Variants in CNOT7 observed in about 807,000 individuals in gnomAD.
The protein encoded by CNOT7 is CCR4-NOT transcription complex subunit 7, also known as BTG1-binding factor 1.
A neutral mutation model predicts 37.1 loss-of-function variants in CNOT7; 4 were observed. The ratio of observed to expected loss-of-function variants is 0.11; its 90% confidence interval spans 0.05 to 0.25. CNOT7 has a LOEUF of 0.25. Among genes scored for constraint, CNOT7 ranks in the 10% least tolerant of loss-of-function variants. The probability of loss-of-function intolerance (pLI) is 1.00; values close to 1 mark genes in which losing one functional copy is unlikely to be tolerated. For missense variants in CNOT7, 170 were observed against 336.2 expected (o/e 0.51, Z 3.87); for synonymous variants, 128 against 115.6 (o/e 1.11, Z -0.69).
rs553343658 is a variant in CNOT7 at position 17,225,038 on chromosome 8, T to G, written c.*5682A>C. 6.6e-6 allele frequency: 1 copy of G among 151,716 alleles called. No homozygotes were observed. Among genetic ancestry groups the G allele is most frequent in the African/African-American group, 2.4e-5 (1 of 41,406 alleles). 9.4% of individuals were successfully genotyped at this position (151,716 alleles called of 1,614,324 possible). On this transcript the variant is annotated 3_prime_UTR_variant, in exon 7 of 7. Transcript: ENST00000361272. Reference sequence around the variant, plus strand: ...AGACACCTGCTCACAACTTACAGTATTAATTTTTTAGAAAAACAAAACAGG... The same window carrying G: ...AGACACCTGCTCACAACTTACAGTAGTAATTTTTTAGAAAAACAAAACAGG...
At chr8:17,232,799 A>G (rs1222381728) in intron 5 of CNOT7, among the ~76,000 whole-genome samples, 1 of 152,094 alleles carries the variant, frequency 6.6e-6, no homozygotes, top group African/African-American at 2.4e-5. Context: ...ACAGGTAAAT[A>G]CTCTCCTAGA....
intron 4 of CNOT7, among the ~76,000 whole-genome samples, chr8:17,236,954 A>T (rs1809448611): frequency 6.6e-6 from 1 of 152,208 alleles, no homozygotes; most frequent in African/African-American, 2.4e-5. Flanking sequence ...CTGGATTTAA[A>T]CCAGGGTCTT....
In CNOT7 at chr8:17,227,662, CTG is replaced by C. The variant is rs1808250371; in HGVS notation, c.*3056_*3057del. ...CATTTAAATTTTCTAATTCTTCTGA[CTG>C]TTGCTTTCCCACCAGTTGGGAATAT... On this transcript the variant is annotated 3_prime_UTR_variant, in exon 7 of 7. Coordinates refer to ENST00000361272, the MANE Select transcript of CNOT7 (RefSeq NM_013354.7). 1 of 151,848 alleles carries C rather than the reference CTG, an allele frequency of 6.6e-6. No individual in the cohort carries two copies. The highest frequency in any genetic ancestry group is 6.6e-5 in the Admixed American group (1 of 15,230). 9.4% of individuals were successfully genotyped at this position (151,848 alleles called of 1,614,324 possible). A position where few individuals can be genotyped will look rare whatever the true frequency, so the allele number is the denominator to read the frequency against.
At position 17,237,206 on chromosome 8, in the gene CNOT7, T is replaced by A; in HGVS notation, c.473+6A>T. The A allele has an allele frequency of 6.2e-7, 1 of 1,613,128 alleles. No individual in the cohort carries two copies. Among genetic ancestry groups the A allele is most frequent in the Non-Finnish European group, 8.5e-7 (1 of 1,179,546 alleles). On this transcript the variant is annotated splice_donor_region_variant and intron_variant, in intron 4 of 6. Coordinates refer to ENST00000361272, the MANE Select transcript of CNOT7 (RefSeq NM_013354.7). ...ACAAATGCCATTTTCAATGTAGTCG[T>A]TTTACCTATGAAATGACAACCATTT...
At chr8:17,238,005 C>A (rs1384054987) in intron 3 of CNOT7, among the ~76,000 whole-genome samples, 2 of 152,162 alleles carry the variant, frequency 1.3e-5, no homozygotes, top group Admixed American at 1.3e-4. Flanking sequence ...TAAAAGACTG[C>A]CTTATAAAAT....
chr8:17,235,638 G>C (rs541399907), intron 4 of CNOT7, among the ~76,000 whole-genome samples: 29 of 152,250 alleles, frequency 1.9e-4, no homozygotes, highest in African/African-American at 7.0e-4. Flanking sequence ...AGACACGTCC[G>C]TCCCTTGTCT....
At position 17,232,541 on chromosome 8, in the gene CNOT7, G is replaced by C. The variant is rs1162555689; in HGVS notation, c.619-4C>G. On this transcript the variant is annotated splice_polypyrimidine_tract_variant and splice_region_variant and intron_variant, in intron 5 of 6. Transcript: ENST00000361272. ...CTGCCACCTCCTGTAATCCACCCTA[G>C]AAAAAATAAAAAATTGCTTGTCAAG... 1.9e-6 allele frequency: 3 copies of C among 1,603,068 alleles called. No individual in the cohort carries two copies. The highest frequency in any genetic ancestry group is 2.5e-6 in the Non-Finnish European group (3 of 1,177,148).
chr8:17,241,701 T>A (rs1449361526), intron 3 of CNOT7: 1 of 152,162 alleles, frequency 6.6e-6, no homozygotes, highest in Non-Finnish European at 1.5e-5. Flanking sequence ...ACGTTATCAA[T>A]AAGTTCTTGG....
chr8:17,239,731 G>T (rs1310499792), intron 3 of CNOT7, among the ~76,000 whole-genome samples: 1 of 151,878 alleles, frequency 6.6e-6, no homozygotes, highest in Non-Finnish European at 1.5e-5. Flanking sequence ...CTGACCTTGT[G>T]ATCCGCCCGC....
At chr8:17,237,592 C>T in intron 3 of CNOT7, 1 of 484,174 alleles carries the variant, frequency 2.1e-6, no homozygotes, top group Non-Finnish European at 3.7e-6. Context: ...TCAGAGAGTC[C>T]AAAGGTGCAA....
At chr8:17,236,396 C>T (rs774289173) in intron 4 of CNOT7, among the ~76,000 whole-genome samples, 8 of 152,176 alleles carry the variant, frequency 5.3e-5, no homozygotes, top group Non-Finnish European at 1.2e-4. Flanking sequence ...GTTTAGTTTA[C>T]TTAGATGGGA....
At chr8:17,234,968 C>G in intron 4 of CNOT7, 108 bp from the exon 5 acceptor site, 1 of 873,552 alleles carries the variant, frequency 1.1e-6, no homozygotes, top group South Asian at 1.8e-5. Context: ...AGAGCCCTCC[C>G]AAAAACATTA....
intron 4 of CNOT7, among the ~76,000 whole-genome samples, chr8:17,235,395 T>C (rs1809213170): frequency 6.6e-6 from 1 of 152,206 alleles, no homozygotes; most frequent in Non-Finnish European, 1.5e-5. Flanking sequence ...CTTAAATGAC[T>C]GTGTTAAGTA....
In CNOT7 at chr8:17,243,090, C is replaced by T; in HGVS notation, c.213G>A (p.Leu71=). 1 of 1,612,558 alleles carries T rather than the reference C, an allele frequency of 6.2e-7. No individual in the cohort carries two copies. Among genetic ancestry groups the T allele is most frequent in the Non-Finnish European group, 8.5e-7 (1 of 1,179,518 alleles). Residue 71 remains leucine, a synonymous_variant, in exon 3 of 7, where the codon TTG becomes TTA. Transcript: ENST00000361272. ...QYQLLRCNVD[L]LKIIQLGLTF... Reference sequence around the variant, plus strand: ...TCAGTCCTAGCTGAATTATCTTTAACAAGTCTACATTACACCGCAATAGTT... The same window carrying T: ...TCAGTCCTAGCTGAATTATCTTTAATAAGTCTACATTACACCGCAATAGTT...
At chr8:17,241,813 C>T (rs898128931) in intron 3 of CNOT7, 1 of 152,038 alleles carries the variant, frequency 6.6e-6, no homozygotes, top group Non-Finnish European at 1.5e-5. Context: ...TTTCTGGTCA[C>T]AAAAAAATCA....
chr8:17,243,749 C>G (rs2151007426), intron 2 of CNOT7: 2 of 418,492 alleles, frequency 4.8e-6, no homozygotes, highest in South Asian at 1.7e-5. Flanking sequence ...TATCACTTCT[C>G]TATGTTGCCA....
intron 3 of CNOT7, among the ~76,000 whole-genome samples, chr8:17,241,112 G>C (rs1810104633): frequency 1.3e-5 from 2 of 152,078 alleles, no homozygotes; most frequent in Admixed American, 6.5e-5. Flanking sequence ...CTGTTGCCCA[G>C]GCTGGAGTGC....
At position 17,239,859 on chromosome 8, in the gene CNOT7, G is replaced by A. The variant is rs1809912034; in HGVS notation, c.312-2486C>T. On this transcript the variant is annotated intron_variant, in intron 3 of 6. Transcript: ENST00000361272. ...ATCAGTGACATTATTTCCACAGAATGCTTCTCTTCTTCACAGCTCATCAGT... is the reference window on the plus strand; with the variant it reads ...ATCAGTGACATTATTTCCACAGAATACTTCTCTTCTTCACAGCTCATCAGT... Among the ~76,000 whole-genome samples, 4 of 152,294 alleles carry A rather than the reference G, an allele frequency of 2.6e-5. No homozygotes were observed. In the South Asian group the frequency reaches 8.3e-4, roughly 32 times the overall value.
At chr8:17,234,632 A>G (rs780726908) in intron 5 of CNOT7, 84 bp downstream of exon 5, 1 of 1,422,576 alleles carries the variant, frequency 7.0e-7, no homozygotes, top group Non-Finnish European at 9.9e-7. Flanking sequence ...ATATGGTTTA[A>G]AACAACATCC....
Sources: gnomAD v4.1 joint callset for allele counts (sites outside exome capture counted in the v4.1 genomes callset) on GRCh38, gnomAD v4.1.1 for gene constraint, MANE v1.5 for transcripts, NCBI Gene and HGNC (gene_info 2026-07-23, HGNC 2026-07-21) for gene names.